Variants in QRFPR observed in about 807,000 individuals in gnomAD.
QRFPR encodes pyroglutamylated RF-amide peptide receptor.
A neutral mutation model predicts 31.3 loss-of-function variants in QRFPR; 37 were observed. The observed-to-expected ratio is 1.18, with a 90% CI of 0.91 to 1.56. The LOEUF (loss-of-function observed/expected upper bound fraction) is 1.56. QRFPR is among the 40% of genes most tolerant of loss of function. The probability of loss-of-function intolerance (pLI) is 0.00; values close to 1 mark genes in which losing one functional copy is unlikely to be tolerated. For missense variants in QRFPR, 542 were observed against 532.5 expected (o/e 1.02, Z -0.18); for synonymous variants, 197 against 192.0 (o/e 1.03, Z -0.22).
At position 121,365,563 on chromosome 4, in the gene QRFPR, TATTATATATA is replaced by T. The variant is rs1560743768; in HGVS notation, c.340+14735_340+14744del. On this transcript the variant is annotated intron_variant, in intron 1 of 5. Transcript: ENST00000394427. ...TATATTATATATAATATATAATATA[TATTATATATA>T]ATATATATTATATATATTATATATA... 6.3e-3 allele frequency among the ~76,000 whole-genome samples: 107 copies of T among 17,094 alleles called. 19 individuals are homozygous for T. Among genetic ancestry groups the T allele is most frequent in the African/African-American group, 0.042 (102 of 2,446 alleles). The allele number at this position is 17,094 out of a possible 152,430, so 11.2% of individuals were successfully genotyped here. A position where few individuals can be genotyped will look rare whatever the true frequency, so the allele number is the denominator to read the frequency against.
chr4:121,340,666 A>T, intron 1 of QRFPR, 56 bp from the exon 2 acceptor site: 2 of 1,529,248 alleles, frequency 1.3e-6, no homozygotes, highest in Non-Finnish European at 1.8e-6. Flanking sequence ...TAAAGGTTTC[A>T]TCTGTGTCTT....
Position 121,363,807 on chromosome 4 carries a change from G to A in QRFPR, c.340+16501C>T, listed in dbSNP as rs907815474. Among the ~76,000 whole-genome samples, 30 of 149,956 alleles carry A rather than the reference G, an allele frequency of 2.0e-4. 2 individuals are homozygous for A. Among genetic ancestry groups the A allele is most frequent in the African/African-American group, 7.2e-4 (29 of 40,486 alleles). On this transcript the variant is annotated intron_variant, in intron 1 of 5. Coordinates refer to ENST00000394427, the MANE Select transcript of QRFPR (RefSeq NM_198179.3). ...TCTTTCACTAAGAGAAAGCCTTGCT[G>A]AATATTTCCCTGTACTGGCCATTTA... is the stretch of plus-strand genomic sequence containing the variant.
At chr4:121,379,751 T>C (rs1362737133) in intron 1 of QRFPR, among the ~76,000 whole-genome samples, 1 of 152,224 alleles carries the variant, frequency 6.6e-6, no homozygotes, top group Non-Finnish European at 1.5e-5. Context: ...CAATATATTT[T>C]TTCTGCACAT....
At chr4:121,333,308 C>A (rs1377552803) in intron 3 of QRFPR, among the ~76,000 whole-genome samples, 2 of 152,150 alleles carry the variant, frequency 1.3e-5, no homozygotes, top group Admixed American at 6.5e-5. Flanking sequence ...AGCCTGTTTA[C>A]TTTCATTTAT....
chr4:121,373,362 C>T (rs1363533613), intron 1 of QRFPR, among the ~76,000 whole-genome samples: 1 of 152,198 alleles, frequency 6.6e-6, no homozygotes, highest in Non-Finnish European at 1.5e-5. Flanking sequence ...ATCTTTTCTT[C>T]TCAAAGTGTG....
At chr4:121,378,490 A>G (rs35964783) in intron 1 of QRFPR, among the ~76,000 whole-genome samples, 28,208 of 144,858 alleles carry the variant, frequency 0.19, 3,125 homozygotes, top group Non-Finnish European at 0.26. Flanking sequence ...TCGGCTCACT[A>G]CAACCTCTGC....
chr4:121,365,664 T>TAA (rs1342160605), intron 1 of QRFPR, among the ~76,000 whole-genome samples: 2 of 22,120 alleles, frequency 9.0e-5, no homozygotes, highest in African/African-American at 1.8e-4. Flanking sequence ...ATTATATATA[T>TAA]TTTATATATT....
intron 1 of QRFPR, among the ~76,000 whole-genome samples, chr4:121,374,388 C>T (rs911092372): frequency 1.3e-5 from 2 of 152,166 alleles, no homozygotes; most frequent in African/African-American, 4.8e-5. Context: ...AAAGTGTTTA[C>T]ATCTATTATT....
rs1456257555 is a variant in QRFPR, at chr4:121,329,625, G to A, written c.985C>T (p.Pro329Ser). 2 of 1,608,468 alleles carry A rather than the reference G, an allele frequency of 1.2e-6. No homozygotes were observed. The highest frequency in any genetic ancestry group is 1.7e-6 in the Non-Finnish European group (2 of 1,177,522). Residue 329 changes from proline (P) to serine (S), a missense_variant, in exon 6 of 6, where the codon CCC (proline) becomes TCC (serine). Transcript: ENST00000394427. ...TCATTCATAAATGCATAGACAATGG[G>A]ATTACAGATGGAGTTGGAAAATCCA... ...IIGFSNSICN[P>S]IVYAFMNENF...
intron 1 of QRFPR, among the ~76,000 whole-genome samples, chr4:121,371,798 G>A (rs1018692735): frequency 1.3e-5 from 2 of 152,188 alleles, no homozygotes; most frequent in African/African-American, 4.8e-5. Context: ...TTTCCAAGGG[G>A]CTTAGTGGCT....
chr4:121,342,345 T>A (rs12511549), intron 1 of QRFPR, among the ~76,000 whole-genome samples: 5,100 of 152,246 alleles, frequency 0.033, 138 homozygotes, highest in South Asian at 0.12. Context: ...AGATAGTGGA[T>A]CATGGAACTT....
At chr4:121,353,097 A>C (rs1725795675) in intron 1 of QRFPR, among the ~76,000 whole-genome samples, 1 of 151,988 alleles carries the variant, frequency 6.6e-6, no homozygotes, top group African/African-American at 2.4e-5. Context: ...TGTACCACAT[A>C]TTCTTTATCA....
chr4:121,365,672 ATT>A lies in QRFPR; in HGVS notation c.340+14634_340+14635del, dbSNP rs1560744341. On this transcript the variant is annotated intron_variant, in intron 1 of 5. Coordinates refer to ENST00000394427, the MANE Select transcript of QRFPR (RefSeq NM_198179.3). ...ATTATATATTATATATATTTTATAT[ATT>A]ATATATATATATAAAACTAGTGTCA... Among the ~76,000 whole-genome samples, 29 of 51,174 alleles carry A rather than the reference ATT, an allele frequency of 5.7e-4. 3 individuals carry two copies. The South Asian group carries it at 0.017, about 31-fold the overall frequency. The allele number at this position is 51,174 out of a possible 152,430, so 33.6% of individuals were successfully genotyped here. A position where few individuals can be genotyped will look rare whatever the true frequency, so the allele number is the denominator to read the frequency against.
chr4:121,345,672 A>G (rs1198039236), intron 1 of QRFPR, among the ~76,000 whole-genome samples: 1 of 152,108 alleles, frequency 6.6e-6, no homozygotes, highest in East Asian at 1.9e-4. Flanking sequence ...ATTAGGAACA[A>G]TTGCTTTGGT....
Position 121,330,441 on chromosome 4 carries a change from T to C in QRFPR, c.880A>G (p.Met294Val). The C allele has an allele frequency of 6.2e-7, 1 of 1,610,028 alleles. No individual in the cohort carries two copies. Among genetic ancestry groups the C allele is most frequent in the Non-Finnish European group, 8.5e-7 (1 of 1,176,388 alleles). ...AAGCACTCACTGTATTCAATCATCA[T>C]ATGGACAACATGGAATGGTGCCCAG... Reference protein sequence around the residue: ...VCWAPFHVVHMMIEYSNFEKE... With the variant: ...VCWAPFHVVHVMIEYSNFEKE... The change falls in exon 5 of 6, where the codon ATG becomes GTG. Residue 294 changes from methionine to valine, a missense_variant. By Grantham distance (21) the Met-to-Val change is conservative (BLOSUM62 1). Transcript: ENST00000394427.
In QRFPR at chr4:121,362,162, T is replaced by TA. The variant is rs1317933708; in HGVS notation, c.340+18145dup. 2.1e-4 allele frequency among the ~76,000 whole-genome samples: 31 copies of TA among 150,078 alleles called. 1 individual carries two copies. The highest frequency in any genetic ancestry group is 1.9e-3 in the Admixed American group (29 of 15,090). On this transcript the variant is annotated intron_variant, in intron 1 of 5. Coordinates refer to ENST00000394427, the MANE Select transcript of QRFPR (RefSeq NM_198179.3). ...CAGCCTCTCACCTAATGATTTTTGT[T>TA]AGAGATTTTCTTAAGGTTTTTTAAT...
intron 1 of QRFPR, among the ~76,000 whole-genome samples, chr4:121,348,422 ACTTC>A (rs1725699188): frequency 6.6e-6 from 1 of 152,072 alleles, no homozygotes; most frequent in African/African-American, 2.4e-5. Context: ...TTCTTTTAAG[ACTTC>A]CTTCTAGAAG....
chr4:121,365,399 A>T (rs564370100), intron 1 of QRFPR, among the ~76,000 whole-genome samples: 1 of 137,788 alleles, frequency 7.3e-6, no homozygotes, highest in Admixed American at 7.5e-5. Flanking sequence ...GCTTTTAGTG[A>T]GCCGAGATCA....
chr4:121,378,554 T>C (rs138656153), intron 1 of QRFPR, among the ~76,000 whole-genome samples: 4,812 of 151,990 alleles, frequency 0.032, 100 homozygotes, highest in South Asian at 0.048. Context: ...GCTGGGACTA[T>C]AGGTGCGTGC....
Sources: gnomAD v4.1 joint callset for allele counts (sites outside exome capture counted in the v4.1 genomes callset) on GRCh38, gnomAD v4.1.1 for gene constraint, MANE v1.5 for transcripts, NCBI Gene and HGNC (gene_info 2026-07-23, HGNC 2026-07-21) for gene names.